The following WDFY2 variants were observed in gnomAD, a reference collection of about 807,000 sequenced individuals.
WDFY2 encodes the protein WD repeat and FYVE domain containing 2, also known as WD repeat and FYVE domain-containing protein 2.
A neutral mutation model predicts 56.4 loss-of-function variants in WDFY2; 36 were observed. The ratio of observed to expected loss-of-function variants is 0.64; its 90% CI spans 0.49 to 0.84. The LOEUF is 0.84. Among genes scored for constraint, WDFY2 ranks in the 40% least tolerant of loss-of-function variants. The pLI is 0.00. For synonymous variants in WDFY2, 176 were observed against 183.7 expected, an observed-to-expected ratio of 0.96 and a Z score of 0.34; for missense variants, 444 against 512.2, an observed-to-expected ratio of 0.87 and a Z score of 1.29.
intron 4 of WDFY2, among the ~76,000 whole-genome samples, chr13:51,714,725 A>G (rs1041142931): frequency 2.0e-5 from 3 of 152,188 alleles, no homozygotes; most frequent in Non-Finnish European, 2.9e-5. Flanking sequence ...TATGTACCCA[A>G]CAGAACTGAA....
rs529513346 is a variant in WDFY2 at position 51,761,239 on chromosome 13, C to T, written c.*1470C>T. ...GGAAAAGAGGACTTTAGAAAGTGAA[C>T]CTGAAGAACTCTTATTTCTAAGGGA... On this transcript the variant is annotated 3_prime_UTR_variant, in exon 12 of 12. Coordinates refer to ENST00000298125, the MANE Select transcript of WDFY2 (RefSeq NM_052950.4). The T allele has an allele frequency of 2.0e-5, 3 of 152,200 alleles. No homozygotes were observed. The South Asian group carries it at 6.2e-4, about 32-fold the overall frequency. 9.4% of individuals were successfully genotyped at this position (152,200 alleles called of 1,614,324 possible).
intron 1 of WDFY2, chr13:51,591,523 A>G (rs1327047566): frequency 1.3e-5 from 2 of 152,242 alleles, no homozygotes; most frequent in African/African-American, 4.8e-5. Context: ...TAAAAAATAT[A>G]GTTAGCATTG....
At position 51,765,692 on chromosome 13, in the gene WDFY2, G is replaced by A. The variant is rs1953724419; in HGVS notation, c.*5923G>A. The A allele has an allele frequency of 6.6e-6, 1 of 152,188 alleles. No homozygotes were observed. Among genetic ancestry groups the A allele is most frequent in the Non-Finnish European group, 1.5e-5 (1 of 68,022 alleles). 9.4% of individuals were successfully genotyped at this position (152,188 alleles called of 1,614,324 possible). ...CCTTTGTTGTCTTCCATCATATCAA[G>A]TGAGTTGCTTTCTGGACTTTTTCCA... On this transcript the variant is annotated 3_prime_UTR_variant, in exon 12 of 12. Transcript: ENST00000298125.
chr13:51,667,946 C>T (rs1019342585), intron 2 of WDFY2, among the ~76,000 whole-genome samples: 8 of 119,392 alleles, frequency 6.7e-5, no homozygotes, highest in African/African-American at 2.3e-4. Context: ...GGCTGCAGTG[C>T]AGTGGCACGA....
At chr13:51,633,733 A>AT in intron 1 of WDFY2, among the ~76,000 whole-genome samples, 1 of 152,236 alleles carries the variant, frequency 6.6e-6, no homozygotes, top group East Asian at 1.9e-4. Context: ...ATTCTAGACC[A>AT]TCACAGGTAA....
intron 1 of WDFY2, among the ~76,000 whole-genome samples, chr13:51,627,432 G>A (rs979652663): frequency 1.3e-5 from 2 of 152,004 alleles, no homozygotes; most frequent in Non-Finnish European, 1.5e-5. Flanking sequence ...GCAGTGGCAT[G>A]ATCTTGGCTC....
chr13:51,745,802 T>C (rs59291282), intron 7 of WDFY2, among the ~76,000 whole-genome samples: 18,562 of 145,190 alleles, frequency 0.13, 1,624 homozygotes, highest in African/African-American at 0.21. Context: ...TGATTATTTA[T>C]ATTGGTACAG....
At chr13:51,623,548 C>G (rs901508285) in intron 1 of WDFY2, among the ~76,000 whole-genome samples, 12 of 152,070 alleles carry the variant, frequency 7.9e-5, no homozygotes, top group Non-Finnish European at 1.6e-4. Context: ...TTTTAAATAA[C>G]CAGTTGTGAC....
intron 3 of WDFY2, among the ~76,000 whole-genome samples, chr13:51,679,912 A>G (rs577062955): frequency 1.1e-4 from 16 of 152,068 alleles, no homozygotes; most frequent in African/African-American, 3.4e-4. Flanking sequence ...CTATGTCTTC[A>G]CATGGACTCC....
At chr13:51,668,589 T>C (rs1955754228) in intron 2 of WDFY2, among the ~76,000 whole-genome samples, 1 of 152,220 alleles carries the variant, frequency 6.6e-6, no homozygotes. Flanking sequence ...AATGAAATAG[T>C]GTCCATGAAT....
chr13:51,616,369 T>C (rs907167571), intron 1 of WDFY2, among the ~76,000 whole-genome samples: 1 of 152,162 alleles, frequency 6.6e-6, no homozygotes, highest in Admixed American at 6.5e-5. Flanking sequence ...TCTGGAATAA[T>C]GAACAATCTG....
At chr13:51,719,026 G>C (rs1404724883) in intron 4 of WDFY2, among the ~76,000 whole-genome samples, 172 bp from the exon 5 acceptor site, 1 of 152,112 alleles carries the variant, frequency 6.6e-6, no homozygotes, top group African/African-American at 2.4e-5. Flanking sequence ...CTGTTTAAAG[G>C]GGAATACCCC....
At chr13:51,603,263 C>A (rs574895134) in intron 1 of WDFY2, among the ~76,000 whole-genome samples, 3 of 152,174 alleles carry the variant, frequency 2.0e-5, no homozygotes, top group Non-Finnish European at 4.4e-5. Flanking sequence ...CCAACCACTG[C>A]ATGTTTCCTA....
chr13:51,713,084 T>G (rs1199597818), intron 4 of WDFY2, among the ~76,000 whole-genome samples: 1 of 152,190 alleles, frequency 6.6e-6, no homozygotes, highest in Non-Finnish European at 1.5e-5. Context: ...CACAGACTCT[T>G]TCAGAAGTTG....
At chr13:51,733,252 G>C (rs1952763194) in intron 6 of WDFY2, among the ~76,000 whole-genome samples, 2 of 152,170 alleles carry the variant, frequency 1.3e-5, no homozygotes, top group African/African-American at 4.8e-5. Flanking sequence ...GGTCAGGCTG[G>C]TCTTGAACTC....
chr13:51,701,539 A>AG lies in WDFY2; in HGVS notation c.280-2056dup, dbSNP rs1297746671. ...CCATCTCAAAAAAAAAAAAAAAAAA[A>AG]GTAATAACAAAAGCTGACAAAATCT... On this transcript the variant is annotated intron_variant, in intron 3 of 11. Coordinates refer to ENST00000298125, the MANE Select transcript of WDFY2 (RefSeq NM_052950.4). Among the ~76,000 whole-genome samples, 751 of 150,618 alleles carry AG rather than the reference A, an allele frequency of 5.0e-3. 8 individuals carry two copies. Among genetic ancestry groups the AG allele is most frequent in the African/African-American group, 0.017 (713 of 41,110 alleles).
chr13:51,703,642 A>G lies in WDFY2; in HGVS notation c.326A>G (p.Asn109Ser), dbSNP rs1593431883. 3.1e-6 allele frequency: 5 copies of G among 1,610,360 alleles called. No individual in the cohort carries two copies. Among genetic ancestry groups the G allele is most frequent in the South Asian group, 1.1e-5 (1 of 90,350 alleles). Residue 109 changes from asparagine to serine, a missense_variant, in exon 4 of 12, where the codon AAC (asparagine) becomes AGC (serine). Coordinates refer to ENST00000298125, the MANE Select transcript of WDFY2 (RefSeq NM_052950.4). Reference sequence around the variant, plus strand: ...TATAACAAGATGACTCCTGTGAAAAACTATCAAGGTAGGGAGTGAGAGGAG... The same window carrying G: ...TATAACAAGATGACTCCTGTGAAAAGCTATCAAGGTAGGGAGTGAGAGGAG... ...EDYNKMTPVKNYQAHQSRVTM... is the reference protein window; with the variant it reads ...EDYNKMTPVKSYQAHQSRVTM...
intron 1 of WDFY2, among the ~76,000 whole-genome samples, chr13:51,658,013 GTTTTTC>G (rs1193192462): frequency 3.3e-5 from 5 of 151,940 alleles, no homozygotes; most frequent in Non-Finnish European, 7.4e-5. Context: ...CAGTTTATTT[GTTTTTC>G]TTTTCCTTTT....
At chr13:51,647,092 G>A (rs567370078) in intron 1 of WDFY2, among the ~76,000 whole-genome samples, 1 of 152,286 alleles carries the variant, frequency 6.6e-6, no homozygotes, top group South Asian at 2.1e-4. Context: ...GCCTACGAGA[G>A]GATGTATGTA....
Sources: allele counts gnomAD v4.1 joint callset (sites outside exome capture counted in the v4.1 genomes callset), GRCh38; gene constraint gnomAD v4.1.1; transcripts MANE v1.5; gene names NCBI Gene and HGNC (gene_info 2026-07-23, HGNC 2026-07-21).